The following PRKCB variants were observed in gnomAD, a reference collection of about 807,000 sequenced individuals.
PRKCB encodes the protein protein kinase C beta.
A neutral mutation model predicts 81.5 loss-of-function variants in PRKCB; 13 were observed. The observed-to-expected ratio is 0.16, with a 90% CI of 0.10 to 0.25. The LOEUF is 0.25. PRKCB is among the 10% of genes least tolerant of loss of function. The pLI, the probability that PRKCB is intolerant of heterozygous loss-of-function variation, is 1.00. For missense variants in PRKCB, 509 were observed against 875.7 expected (o/e 0.58, Z 5.29); for synonymous variants, 335 against 321.4 (o/e 1.04, Z -0.45).
At chr16:24,056,020 G>A (rs113236229) in intron 5 of PRKCB, among the ~76,000 whole-genome samples, 9 of 152,310 alleles carry the variant, frequency 5.9e-5, no homozygotes, top group African/African-American at 1.9e-4. Context: ...TGGCAGAACT[G>A]GAGTTTGGTC....
chr16:24,001,577 A>G (rs189744879), intron 3 of PRKCB, among the ~76,000 whole-genome samples: 95 of 152,392 alleles, frequency 6.2e-4, no homozygotes, highest in African/African-American at 2.2e-3. Flanking sequence ...ATTTTCTCAT[A>G]AAATTGTCAA....
chr16:23,850,876 G>A (rs1363601532), intron 2 of PRKCB, among the ~76,000 whole-genome samples: 1 of 152,070 alleles, frequency 6.6e-6, no homozygotes, highest in Non-Finnish European at 1.5e-5. Flanking sequence ...TGCTTAGTGT[G>A]CTGAACATTT....
At position 24,112,967 on chromosome 16, in the gene PRKCB, C is replaced by T; in HGVS notation, c.822-6C>T. 1.3e-6 allele frequency: 2 copies of T among 1,598,836 alleles called. No individual in the cohort carries two copies. The highest frequency in any genetic ancestry group is 1.7e-6 in the Non-Finnish European group (2 of 1,171,850). On this transcript the variant is annotated splice_polypyrimidine_tract_variant and splice_region_variant and intron_variant, in intron 7 of 16. Transcript: ENST00000643927. Reference sequence around the variant, plus strand: ...AAATGTGTCCCACCCCCTTGTCTCCCTTCAGGTTTAAGTTACTGAGCCAGG... The same window carrying T: ...AAATGTGTCCCACCCCCTTGTCTCCTTTCAGGTTTAAGTTACTGAGCCAGG...
chr16:24,032,018 A>G (rs558554496), intron 3 of PRKCB, 118 bp from the exon 4 acceptor site: 6 of 663,480 alleles, frequency 9.0e-6, no homozygotes, highest in Admixed American at 2.5e-5. Context: ...AACAGGTACA[A>G]TGACCTCTGG....
chr16:23,960,512 G>A (rs773024913), intron 2 of PRKCB, among the ~76,000 whole-genome samples: 7 of 151,660 alleles, frequency 4.6e-5, no homozygotes, highest in Non-Finnish European at 1.0e-4. Flanking sequence ...TGCAGGATGT[G>A]CAGATTTGTT....
intron 2 of PRKCB, among the ~76,000 whole-genome samples, chr16:23,971,224 A>T (rs1379664810): frequency 6.6e-6 from 1 of 152,198 alleles, no homozygotes; most frequent in Non-Finnish European, 1.5e-5. Flanking sequence ...ATCAAAACTG[A>T]CCCATTGTCA....
At chr16:23,909,146 C>T (rs1356629294) in intron 2 of PRKCB, among the ~76,000 whole-genome samples, 2 of 152,184 alleles carry the variant, frequency 1.3e-5, no homozygotes, top group African/African-American at 2.4e-5. Flanking sequence ...TGATTCGCTT[C>T]CTTGTTAGTA....
At chr16:23,860,578 G>T (rs187537547) in intron 2 of PRKCB, among the ~76,000 whole-genome samples, 3 of 152,050 alleles carry the variant, frequency 2.0e-5, no homozygotes, top group East Asian at 1.9e-4. Context: ...ATGGAACTAC[G>T]TAGTTTTAAA....
intron 3 of PRKCB, among the ~76,000 whole-genome samples, chr16:24,017,493 C>A (rs1268406727): frequency 6.6e-6 from 1 of 150,894 alleles, no homozygotes; most frequent in Non-Finnish European, 1.5e-5. Context: ...TTATTAAACA[C>A]GCAGGCACAC....
At chr16:23,840,505 T>A (rs538451449) in intron 2 of PRKCB, among the ~76,000 whole-genome samples, 1 of 152,280 alleles carries the variant, frequency 6.6e-6, no homozygotes, top group South Asian at 2.1e-4. Flanking sequence ...ACCTACATCC[T>A]CTTAGCTAGG....
intron 2 of PRKCB, among the ~76,000 whole-genome samples, chr16:23,875,504 T>TAATGTATATCACACAC (rs1962983693): frequency 2.9e-5 from 1 of 34,720 alleles, no homozygotes; most frequent in Admixed American, 3.2e-4. Context: ...TATATATATA[T>TAATGTATATCACACAC]ATGATGTATA....
intron 16 of PRKCB, among the ~76,000 whole-genome samples, chr16:24,200,565 A>G (rs1285424850): frequency 6.6e-6 from 1 of 152,216 alleles, no homozygotes; most frequent in Non-Finnish European, 1.5e-5. Flanking sequence ...TATTTCTTAC[A>G]GTTCTGGAGG....
chr16:24,191,881 G>A (rs1196664344), intron 16 of PRKCB, among the ~76,000 whole-genome samples: 3 of 152,360 alleles, frequency 2.0e-5, no homozygotes, highest in East Asian at 3.9e-4. Flanking sequence ...CAACAGGAAG[G>A]TTTTCTATCC....
At chr16:23,854,811 G>GC (rs1567290817) in intron 2 of PRKCB, among the ~76,000 whole-genome samples, 1 of 152,080 alleles carries the variant, frequency 6.6e-6, no homozygotes, top group African/African-American at 2.4e-5. Context: ...TGTGGTCCTC[G>GC]CAATTGCTTG....
At chr16:24,065,643 G>T (rs1045854632) in intron 5 of PRKCB, among the ~76,000 whole-genome samples, 3 of 151,970 alleles carry the variant, frequency 2.0e-5, no homozygotes, top group African/African-American at 7.3e-5. Flanking sequence ...TTCCATCTGG[G>T]ATCATTTTCT....
chr16:24,032,333 GC>G, intron 4 of PRKCB, 86 bp downstream of exon 4: 1 of 887,370 alleles, frequency 1.1e-6, no homozygotes, highest in Non-Finnish European at 1.8e-6. Context: ...GTCCAGGTCT[GC>G]CATACATTCC....
At chr16:24,094,384 T>G in intron 7 of PRKCB, 87 bp downstream of exon 7, 1 of 1,513,778 alleles carries the variant, frequency 6.6e-7, no homozygotes, top group Non-Finnish European at 9.0e-7. Flanking sequence ...CTCCAAAAAT[T>G]GAAATACTAA....
At chr16:24,094,377 C>A (rs17847893) in intron 7 of PRKCB, 80 bp downstream of exon 7, 2 of 1,528,398 alleles carry the variant, frequency 1.3e-6, no homozygotes, top group East Asian at 2.3e-5. Flanking sequence ...CCTTTTTCTC[C>A]AAAAATTGAA....
intron 16 of PRKCB, among the ~76,000 whole-genome samples, chr16:24,207,532 G>A (rs1016760341): frequency 3.3e-5 from 5 of 152,158 alleles, no homozygotes; most frequent in Non-Finnish European, 5.9e-5. Context: ...TGTACACACT[G>A]TTAGTAATTA....
Sources: gnomAD v4.1 joint callset for allele counts (sites outside exome capture counted in the v4.1 genomes callset) on GRCh38, gnomAD v4.1.1 for gene constraint, MANE v1.5 for transcripts, NCBI Gene and HGNC (gene_info 2026-07-23, HGNC 2026-07-21) for gene names.